The following SLC9C2 variants were observed in gnomAD, a reference collection of about 807,000 sequenced individuals.
The protein encoded by SLC9C2 is sodium/hydrogen exchanger 11.
In SLC9C2, 75 loss-of-function variants were observed where a neutral mutation model predicts 140.2. The observed-to-expected ratio is 0.53, with a 90% CI of 0.44 to 0.65. The LOEUF (loss-of-function observed/expected upper bound fraction) is 0.65, where lower values mean the gene tolerates loss of function less well. Ranked by LOEUF, SLC9C2 falls within the 30% of genes least tolerant of loss-of-function variation. The pLI is 0.00. For missense variants in SLC9C2, 1,074 were observed against 1,331.8 expected (o/e 0.81, Z 3.01); for synonymous variants, 375 against 420.9 (o/e 0.89, Z 1.34).
intron 3 of SLC9C2, among the ~76,000 whole-genome samples, chr1:173,598,284 T>C (rs1666557641): frequency 6.6e-6 from 1 of 152,198 alleles, no homozygotes; most frequent in South Asian, 2.1e-4. Context: ...GCTTGTGGTG[T>C]GCAATCAGTA....
intron 13 of SLC9C2, among the ~76,000 whole-genome samples, chr1:173,542,443 G>A (rs1489122876): frequency 6.6e-6 from 1 of 152,176 alleles, no homozygotes; most frequent in Non-Finnish European, 1.5e-5. Flanking sequence ...AAGATGAGCT[G>A]CTAACATTCC....
chr1:173,595,310 C>A (rs1034197499), intron 4 of SLC9C2, among the ~76,000 whole-genome samples: 2 of 152,084 alleles, frequency 1.3e-5, no homozygotes, highest in African/African-American at 4.8e-5. Context: ...ACTTCACAAT[C>A]TCAAGATGGA....
In SLC9C2 at chr1:173,524,010, T is replaced by C; in HGVS notation, c.2599A>G (p.Ile867Val). The C allele has an allele frequency of 1.2e-6, 2 of 1,613,548 alleles. No individual in the cohort carries two copies. The highest frequency in any genetic ancestry group is 1.7e-6 in the Non-Finnish European group (2 of 1,179,788). Residue 867 changes from isoleucine (I) to valine (V), a missense_variant, in exon 21 of 28, where the codon ATT becomes GTT. Coordinates refer to ENST00000367714, the MANE Select transcript of SLC9C2 (RefSeq NM_178527.4). ...PTPDIYLHNI[I>V]WLEGKDVLID... ...AGAACATCTTTACCTTCCAGCCAAA[T>C]GATGTTGTGAAGGTATATGTCAGGA...
Position 173,517,543 on chromosome 1 carries a change from A to C in SLC9C2, c.2901T>G (p.Ser967Arg). Residue 967 changes from serine (S) to arginine (R), a missense_variant, in exon 23 of 28, where the codon AGT (serine) becomes AGG (arginine). Physicochemically the swap from Ser to Arg is moderately radical, Grantham distance 110 (BLOSUM62 -1). Coordinates refer to ENST00000367714, the MANE Select transcript of SLC9C2 (RefSeq NM_178527.4). ...GACAGAACCATTTTCCTACCTGTAA[A>C]CTAGTTTCACAGATGACGGTATATT... ...EIEYTVICET[S>R]LQACFISLED... The C allele has an allele frequency of 1.9e-6, 3 of 1,600,100 alleles. No homozygotes were observed.
intron 4 of SLC9C2, among the ~76,000 whole-genome samples, chr1:173,597,123 T>TA (rs201704545): frequency 2.0e-5 from 3 of 150,594 alleles, no homozygotes; most frequent in South Asian, 2.1e-4. Flanking sequence ...GCACAACATT[T>TA]AAAAAAAAAC....
chr1:173,524,600 C>T (rs548035086), intron 20 of SLC9C2, among the ~76,000 whole-genome samples, 179 bp downstream of exon 20: 1 of 152,248 alleles, frequency 6.6e-6, no homozygotes, highest in South Asian at 2.1e-4. Context: ...GTAGTTTTGA[C>T]AAATGGAGTG....
chr1:173,581,484 A>G (rs1256857931), intron 7 of SLC9C2, among the ~76,000 whole-genome samples: 2 of 152,234 alleles, frequency 1.3e-5, no homozygotes, highest in Admixed American at 1.3e-4. Context: ...AAGCCTCAGG[A>G]GCATCTCTCC....
intron 19 of SLC9C2, among the ~76,000 whole-genome samples, chr1:173,525,427 C>G (rs1215002120): frequency 6.6e-6 from 1 of 152,164 alleles, no homozygotes; most frequent in Non-Finnish European, 1.5e-5. Flanking sequence ...TCATATTCAA[C>G]ATTGAACACA....
At chr1:173,523,321 G>A (rs147066359) in intron 21 of SLC9C2, among the ~76,000 whole-genome samples, 2,257 of 151,728 alleles carry the variant, frequency 0.015, 69 homozygotes, top group African/African-American at 0.052. Context: ...GCAGTGAGCC[G>A]AGATCACACC....
At chr1:173,565,650 C>T (rs992086565) in intron 9 of SLC9C2, among the ~76,000 whole-genome samples, 2 of 152,036 alleles carry the variant, frequency 1.3e-5, no homozygotes, top group Non-Finnish European at 2.9e-5. Context: ...GTGATTCCTC[C>T]ACTTTTGTTT....
chr1:173,552,064 A>C (rs1036990269), intron 11 of SLC9C2, among the ~76,000 whole-genome samples: 2 of 152,238 alleles, frequency 1.3e-5, no homozygotes, highest in African/African-American at 4.8e-5. Flanking sequence ...AGAAAGATTG[A>C]GTGGTCTGAA....
At chr1:173,571,546 C>T (rs1299819672) in intron 9 of SLC9C2, 3 of 152,216 alleles carry the variant, frequency 2.0e-5, no homozygotes, top group Admixed American at 2.0e-4. Flanking sequence ...AGTGCTGGCA[C>T]ATCCAACTTC....
chr1:173,560,625 T>G (rs1388476926), intron 9 of SLC9C2, among the ~76,000 whole-genome samples: 2 of 152,104 alleles, frequency 1.3e-5, no homozygotes. Context: ...ATAAACCTTC[T>G]GCCAACAACT....
chr1:173,532,770 A>G (rs1446723459), intron 17 of SLC9C2, among the ~76,000 whole-genome samples: 1 of 152,078 alleles, frequency 6.6e-6, no homozygotes, highest in Non-Finnish European at 1.5e-5. Context: ...AAACAGGCCG[A>G]GTATGGTGGT....
chr1:173,535,892 C>A lies in SLC9C2; in HGVS notation c.1713G>T (p.Lys571Asn). The A allele has an allele frequency of 1.3e-6, 2 of 1,512,642 alleles. No homozygotes were observed. Among genetic ancestry groups the A allele is most frequent in the Non-Finnish European group, 1.8e-6 (2 of 1,126,198 alleles). 93.7% of individuals were successfully genotyped at this position (1,512,642 alleles called of 1,614,324 possible). A position where few individuals can be genotyped will look rare whatever the true frequency, so the allele number is the denominator to read the frequency against. Residue 571 changes from lysine (K) to asparagine (N), a missense_variant, in exon 15 of 28, where the codon AAG becomes AAT. Transcript: ENST00000367714. The stretch of plus-strand genomic sequence containing the variant: ...CCAAGAAAGTTAAAACATTTTTAAA[C>A]TTTATAAGCCAACTTCTAGTTCTCA... ...TYMRTRSWLI[K>N]FKNVLTFLEY...
At chr1:173,518,348 C>A (rs1660570998) in intron 22 of SLC9C2, among the ~76,000 whole-genome samples, 1 of 151,966 alleles carries the variant, frequency 6.6e-6, no homozygotes, top group Non-Finnish European at 1.5e-5. Context: ...GATATTCTTA[C>A]CGCAATGGGC....
At position 173,581,863 on chromosome 1, in the gene SLC9C2, G is replaced by A; in HGVS notation, c.786C>T (p.Tyr262=). 3 of 1,586,040 alleles carry A rather than the reference G, an allele frequency of 1.9e-6. No individual in the cohort carries two copies. Among genetic ancestry groups the A allele is most frequent in the Non-Finnish European group, 2.6e-6 (3 of 1,163,088 alleles). ...TNIILCFSMV[Y]MTFYIVEFLG... ...CAGCCTTACCAATATAGAAAGTCATGTACACCATTGAAAAGCAGAGAATGA... is the reference window on the plus strand; with the variant it reads ...CAGCCTTACCAATATAGAAAGTCATATACACCATTGAAAAGCAGAGAATGA... The change falls in exon 7 of 28, where the codon TAC becomes TAT. Residue 262 remains tyrosine, a synonymous_variant. Transcript: ENST00000367714.
At chr1:173,534,938 A>G (rs1421934667) in intron 15 of SLC9C2, among the ~76,000 whole-genome samples, 1 of 152,018 alleles carries the variant, frequency 6.6e-6, no homozygotes, top group African/African-American at 2.4e-5. Context: ...CCTGGAAACA[A>G]TGCAAAGATT....
intron 11 of SLC9C2, among the ~76,000 whole-genome samples, chr1:173,550,129 C>T (rs1337230638): frequency 6.6e-6 from 1 of 152,154 alleles, no homozygotes; most frequent in Admixed American, 6.5e-5. Context: ...AGACCAGGTA[C>T]AGTGGCTCAC....
Sources: allele counts gnomAD v4.1 joint callset (sites outside exome capture counted in the v4.1 genomes callset), GRCh38; gene constraint gnomAD v4.1.1; transcripts MANE v1.5; gene names NCBI Gene and HGNC (gene_info 2026-07-23, HGNC 2026-07-21).